Variants in IL33 observed in about 807,000 individuals in gnomAD.
IL33 encodes the protein interleukin 33, also known as interleukin-33.
A neutral mutation model predicts 27.3 loss-of-function variants in IL33; 37 were observed. The ratio of observed to expected loss-of-function variants is 1.36; its 90% CI spans 1.04 to 1.78. The LOEUF is 1.78. Ranked by LOEUF, IL33 falls within the 40% of genes most tolerant of loss-of-function variation. IL33 has a pLI of 0.00. For missense variants in IL33, 406 were observed against 311.4 expected (o/e 1.30, Z -2.29); for synonymous variants, 132 against 102.9 (o/e 1.28, Z -1.71).
At chr9:6,215,802 C>T (rs1358049529), upstream of IL33, 9 of 152,110 alleles carry the variant, frequency 5.9e-5, no homozygotes, top group South Asian at 2.1e-4. Context: ...CAGACTCCTC[C>T]GAACACAGAG....
At chr9:6,232,728 C>T (rs1481058747) in intron 1 of IL33, among the ~76,000 whole-genome samples, 2 of 152,188 alleles carry the variant, frequency 1.3e-5, no homozygotes, top group Non-Finnish European at 2.9e-5. Flanking sequence ...TCACTAGGGA[C>T]CCTGACCTCC....
rs200000981 is a variant in IL33, at chr9:6,252,931, G to A, written c.409G>A (p.Ala137Thr). The change falls in exon 5 of 8, where the codon GCT becomes ACT. Residue 137 changes from alanine (A) to threonine (T), a missense_variant. Physicochemically the swap from Ala to Thr is moderately conservative, Grantham distance 58. Coordinates refer to ENST00000682010, the MANE Select transcript of IL33 (RefSeq NM_033439.4). ...STYNDQSITF[A>T]LEDESYEIYV... ...ATACAATGATCAATCCATTACTTTT[G>A]CTTTGGAGGATGAAAGTTATGAGAT... 5 of 1,600,760 alleles carry A rather than the reference G, an allele frequency of 3.1e-6. No individual in the cohort carries two copies. The African/African-American group carries it at 5.4e-5, about 17-fold the overall frequency.
At chr9:6,219,486 T>C (rs1461966833) in intron 1 of IL33, among the ~76,000 whole-genome samples, 2 of 152,158 alleles carry the variant, frequency 1.3e-5, no homozygotes, top group African/African-American at 2.4e-5. Flanking sequence ...TATTTTTGTT[T>C]TGTATTTTTT....
At chr9:6,245,222 G>C (rs563416391) in intron 2 of IL33, among the ~76,000 whole-genome samples, 2 of 152,100 alleles carry the variant, frequency 1.3e-5, no homozygotes, top group Non-Finnish European at 2.9e-5. Context: ...GGATTGAACG[G>C]TGTTATTGAT....
intron 5 of IL33, among the ~76,000 whole-genome samples, chr9:6,253,330 A>C (rs961920751): frequency 2.6e-5 from 4 of 152,214 alleles, no homozygotes; most frequent in Non-Finnish European, 1.5e-5. Flanking sequence ...CCTTTATGCC[A>C]CTGCTATGAA....
intron 1 of IL33, among the ~76,000 whole-genome samples, chr9:6,221,129 A>G (rs560774731): frequency 2.6e-5 from 4 of 152,286 alleles, no homozygotes; most frequent in Admixed American, 6.5e-5. Flanking sequence ...AATAAGTACC[A>G]ATATTCATTC....
intron 2 of IL33, among the ~76,000 whole-genome samples, chr9:6,246,005 G>A (rs1445666133): frequency 1.5e-5 from 2 of 134,058 alleles, no homozygotes; most frequent in East Asian, 4.9e-4. Context: ...AGAGCTTGCA[G>A]TGAGCCGAGA....
In IL33 at chr9:6,241,724, C is replaced by A; in HGVS notation, c.30C>A (p.Asn10Lys). 6.2e-7 allele frequency: 1 copy of A among 1,611,422 alleles called. No homozygotes were observed. The highest frequency in any genetic ancestry group is 8.5e-7 in the Non-Finnish European group (1 of 1,178,416). MKPKMKYST[N>K]KISTAKWKNT... ...AGCCTAAAATGAAGTATTCAACCAACAAAATTTCCACAGCAAAGTGGAAGA... is the reference window on the plus strand; with the variant it reads ...AGCCTAAAATGAAGTATTCAACCAAAAAAATTTCCACAGCAAAGTGGAAGA... The change falls in exon 2 of 8, where the codon AAC becomes AAA. Residue 10 changes from asparagine to lysine, a missense_variant. Physicochemically the swap from Asn to Lys is moderately conservative, Grantham distance 94. Transcript: ENST00000682010.
chr9:6,230,975 A>G (rs1000407628), intron 1 of IL33, among the ~76,000 whole-genome samples: 1 of 152,188 alleles, frequency 6.6e-6, no homozygotes, highest in African/African-American at 2.4e-5. Context: ...TCCAAACTCC[A>G]GAAACACAGT....
chr9:6,253,923 G>A (rs960093862), intron 6 of IL33, among the ~76,000 whole-genome samples: 2 of 152,174 alleles, frequency 1.3e-5, no homozygotes, highest in African/African-American at 4.8e-5. Context: ...CTATCTTGTG[G>A]TTCTGCCAAC....
chr9:6,227,667 CTCCTTATAATGCTA>C (rs1818703724), intron 1 of IL33, among the ~76,000 whole-genome samples: 1 of 152,138 alleles, frequency 6.6e-6, no homozygotes, highest in African/African-American at 2.4e-5. Context: ...GTAATGCTTT[CTCCTTATAATGCTA>C]CTAAATCTTC....
At chr9:6,249,650 G>C (rs1463602576) in intron 2 of IL33, among the ~76,000 whole-genome samples, 2 of 152,146 alleles carry the variant, frequency 1.3e-5, no homozygotes, top group East Asian at 3.8e-4. Flanking sequence ...CATTTTCTTA[G>C]ATGGCGGTAA....
chr9:6,233,901 G>A (rs539294543), intron 1 of IL33, among the ~76,000 whole-genome samples: 4 of 152,088 alleles, frequency 2.6e-5, no homozygotes, highest in South Asian at 2.1e-4. Flanking sequence ...TCCACTCTGC[G>A]CAGTCCAGTG....
intron 2 of IL33, 119 bp from the exon 3 acceptor site, chr9:6,250,355 G>A: frequency 8.4e-7 from 1 of 1,183,898 alleles, no homozygotes; most frequent in African/African-American, 1.5e-5. Flanking sequence ...GCTGAGTTAA[G>A]GATTTCTGAT....
In IL33 at chr9:6,250,636, A is replaced by C. The variant is rs1389278146; in HGVS notation, c.217+37A>C. On this transcript the variant is annotated intron_variant, in intron 3 of 7. Transcript: ENST00000682010. ...CGTACATTCTCTGGCAATAGTGATA[A>C]GTATCTGTTTGCCTTCACTTACCAC... The C allele has an allele frequency of 3.1e-6, 5 of 1,597,124 alleles. No individual in the cohort carries two copies. In the South Asian group the frequency reaches 4.5e-5, roughly 14 times the overall value.
At chr9:6,239,698 G>T (rs1225658081) in intron 1 of IL33, among the ~76,000 whole-genome samples, 2 of 151,968 alleles carry the variant, frequency 1.3e-5, no homozygotes, top group African/African-American at 4.8e-5. Flanking sequence ...GATTTCCTCA[G>T]TTGTGGGACC....
intron 1 of IL33, among the ~76,000 whole-genome samples, chr9:6,223,983 G>A (rs570211081): frequency 7.9e-5 from 12 of 152,302 alleles, no homozygotes; most frequent in African/African-American, 2.6e-4. Context: ...CAAAGGAGTA[G>A]AAGCCAAGAA....
intron 1 of IL33, among the ~76,000 whole-genome samples, chr9:6,235,583 C>T (rs1004551178): frequency 2.6e-5 from 4 of 152,094 alleles, no homozygotes; most frequent in Admixed American, 1.3e-4. Flanking sequence ...GAAATCTAAA[C>T]ATAAATGACA....
At chr9:6,238,210 C>A (rs1267160108) in intron 1 of IL33, among the ~76,000 whole-genome samples, 1 of 152,124 alleles carries the variant, frequency 6.6e-6, no homozygotes, top group Non-Finnish European at 1.5e-5. Context: ...GTTTCATAAT[C>A]CTGGGTGAGG....
Sources: allele counts gnomAD v4.1 joint callset (sites outside exome capture counted in the v4.1 genomes callset), GRCh38; gene constraint gnomAD v4.1.1; transcripts MANE v1.5; gene names NCBI Gene and HGNC (gene_info 2026-07-23, HGNC 2026-07-21).